The following TRIM26 variants were observed in gnomAD, a reference collection of about 807,000 sequenced individuals.
The protein encoded by TRIM26 is tripartite motif-containing protein 26.
In TRIM26, 16 loss-of-function variants were observed where a neutral mutation model predicts 45.5. That is an observed-to-expected ratio of 0.35 (90% confidence interval 0.24 to 0.53). The LOEUF (loss-of-function observed/expected upper bound fraction) is 0.53. Ranked by LOEUF, TRIM26 falls within the 20% of genes least tolerant of loss-of-function variation. The pLI is 0.92. For synonymous variants in TRIM26, 273 were observed against 290.4 expected, an observed-to-expected ratio of 0.94 and a Z score of 0.61; for missense variants, 442 against 691.1, an observed-to-expected ratio of 0.64 and a Z score of 4.04.
chr6:30,205,740 G>T (rs1485499788), intron 1 of TRIM26, among the ~76,000 whole-genome samples: 1 of 152,210 alleles, frequency 6.6e-6, no homozygotes, highest in Non-Finnish European at 1.5e-5. Flanking sequence ...TACTTAGGAA[G>T]TTGAGGCAGG....
intron 6 of TRIM26, among the ~76,000 whole-genome samples, chr6:30,191,150 G>A (rs1163511397): frequency 6.6e-6 from 1 of 152,116 alleles, no homozygotes; most frequent in Non-Finnish European, 1.5e-5. Context: ...TGGACATACT[G>A]GTCAAGGATA....
In TRIM26 at chr6:30,189,916, ACCATACCACTC is replaced by A; in HGVS notation, c.788+86_788+96del. 6.9e-7 allele frequency: 1 copy of A among 1,457,816 alleles called. No individual in the cohort carries two copies. The highest frequency in any genetic ancestry group is 1.1e-5 in the South Asian group (1 of 87,226). The allele number at this position is 1,457,816 out of a possible 1,614,324, so 90.3% of individuals were successfully genotyped here. A position where few individuals can be genotyped will look rare whatever the true frequency, so the allele number is the denominator to read the frequency against. On this transcript the variant is annotated intron_variant, in intron 7 of 9. Coordinates refer to ENST00000454678, the MANE Select transcript of TRIM26 (RefSeq NM_003449.5). This position sits in a 1 kb window ranked among gnomAD's most constrained non-coding sequence, Gnocchi z 5.0. The stretch of plus-strand genomic sequence containing the variant: ...ACCATGGGATGTGAGTACCTCTGGC[ACCATACCACTC>A]CCCATGAATTCAAATGCACCTGGTC...
At chr6:30,195,376 G>A (rs1395472520) in intron 6 of TRIM26, among the ~76,000 whole-genome samples, 1 of 152,152 alleles carries the variant, frequency 6.6e-6, no homozygotes, top group Non-Finnish European at 1.5e-5. Flanking sequence ...GGGCCAGAGA[G>A]ACATTCTGGA....
chr6:30,195,911 A>G (rs983149023), intron 6 of TRIM26, among the ~76,000 whole-genome samples: 11 of 152,142 alleles, frequency 7.2e-5, no homozygotes, highest in African/African-American at 2.7e-4. Flanking sequence ...TTTCAGCTTC[A>G]CAGCCAGTTC....
intron 6 of TRIM26, among the ~76,000 whole-genome samples, chr6:30,192,552 T>C (rs1775963258): frequency 6.6e-6 from 1 of 152,174 alleles, no homozygotes; most frequent in African/African-American, 2.4e-5. Context: ...CTATTTTATT[T>C]TAATTTTTTT....
chr6:30,196,589 TC>T lies in TRIM26; in HGVS notation c.691del (p.Glu231SerfsTer31). On this transcript the variant is annotated frameshift_variant, in exon 6 of 10. Transcript: ENST00000454678. LOFTEE classifies it high-confidence loss of function. The surrounding 1 kb of genome is among the most constrained non-coding windows in gnomAD (Gnocchi z 4.9). ...GATGACCAGGGCCAGCCGGGCAAGC[TC>T]CCCGACGCCCCGGCTCTTGAACTTC... The part of the protein sequence containing the change: ...REKFKSRGVG[E>X]LARLALVISE... The T allele has an allele frequency of 6.2e-7, 1 of 1,613,240 alleles. No individual in the cohort carries two copies.
At position 30,186,146 on chromosome 6, in the gene TRIM26, T is replaced by A. The variant is rs1350383446; in HGVS notation, c.1350A>T (p.Gly450=). Residue 450 remains glycine, a synonymous_variant, in exon 10 of 10, where the codon GGA becomes GGT. Transcript: ENST00000454678. This position sits in a 1 kb window ranked among gnomAD's most constrained non-coding sequence, Gnocchi z 7.4. Reference sequence around the variant, plus strand: ...CATCCTCTGGCCGCAGGGAGAGGTCTCCCTTCCTCTTCACAGAGTCTCTAG... The same window carrying A: ...CATCCTCTGGCCGCAGGGAGAGGTCACCCTTCCTCTTCACAGAGTCTCTAG... The part of the protein sequence containing the change: ...GVARDSVKRK[G]DLSLRPEDGV... 6.3e-7 allele frequency: 1 copy of A among 1,594,020 alleles called. No homozygotes were observed. The highest frequency in any genetic ancestry group is 8.5e-7 in the Non-Finnish European group (1 of 1,169,920).
chr6:30,197,002 A>G (rs1248738513), intron 5 of TRIM26, among the ~76,000 whole-genome samples: 1 of 152,104 alleles, frequency 6.6e-6, no homozygotes, highest in African/African-American at 2.4e-5. Context: ...GTCAGCCACA[A>G]TCTGTTCTAG....
In TRIM26 at chr6:30,186,602, GTTTTGTT is replaced by G. The variant is rs1180345565; in HGVS notation, c.938-51_938-45del. ...AAAAAAAAAACAGCATCACTGTTTT[GTTTTGTT>G]TTTTAAGTCAGAGGGAATAAAATTT... On this transcript the variant is annotated intron_variant, in intron 9 of 9. Transcript: ENST00000454678. The surrounding 1 kb of genome is among the most constrained non-coding windows in gnomAD (Gnocchi z 7.4). 6.7e-6 allele frequency: 10 copies of G among 1,486,564 alleles called. No individual in the cohort carries two copies. Among genetic ancestry groups the G allele is most frequent in the East Asian group, 2.3e-5 (1 of 42,690 alleles). 92.1% of individuals were successfully genotyped at this position (1,486,564 alleles called of 1,614,324 possible). A position where few individuals can be genotyped will look rare whatever the true frequency, so the allele number is the denominator to read the frequency against.
At chr6:30,197,755 T>C (rs938406131) in intron 5 of TRIM26, among the ~76,000 whole-genome samples, 1 of 152,244 alleles carries the variant, frequency 6.6e-6, no homozygotes. Context: ...GTAAATGCTA[T>C]ATAAATAGCT....
At chr6:30,187,566 C>A (rs375843783) in intron 9 of TRIM26, 118 of 467,188 alleles carry the variant, frequency 2.5e-4, no homozygotes, top group South Asian at 7.5e-4. Flanking sequence ...GCGGAAGGTG[C>A]TACTCTCTGT....
intron 1 of TRIM26, among the ~76,000 whole-genome samples, chr6:30,213,011 A>G (rs1050404063): frequency 2.0e-5 from 3 of 151,920 alleles, no homozygotes; most frequent in African/African-American, 7.3e-5. Flanking sequence ...AAGCAACCGG[A>G]CGGTCATCCA....
chr6:30,190,234 C>A lies in TRIM26; in HGVS notation c.766-199G>T, dbSNP rs912154359. On this transcript the variant is annotated intron_variant, in intron 6 of 9. Coordinates refer to ENST00000454678, the MANE Select transcript of TRIM26 (RefSeq NM_003449.5). The surrounding 1 kb of genome is among the most constrained non-coding windows in gnomAD (Gnocchi z 4.3). Reference sequence around the variant, plus strand: ...AACAAAATCGGCACAATGACAGAAGCCACAATGGCTGGGAGATGACATGGG... The same window carrying A: ...AACAAAATCGGCACAATGACAGAAGACACAATGGCTGGGAGATGACATGGG... The A allele has an allele frequency of 3.2e-6, 2 of 629,518 alleles. No homozygotes were observed. Among genetic ancestry groups the A allele is most frequent in the African/African-American group, 3.7e-5 (2 of 54,574 alleles). 39.0% of individuals were successfully genotyped at this position (629,518 alleles called of 1,614,324 possible). A position where few individuals can be genotyped will look rare whatever the true frequency, so the allele number is the denominator to read the frequency against.
chr6:30,186,242 C>A lies in TRIM26; in HGVS notation c.1254G>T (p.Ser418=). ...CCTCTTCTTCCTCTTCATCGCCCAACGATTCCTCATCTTCGTCCGTTTCCC... is the reference window on the plus strand; with the variant it reads ...CCTCTTCTTCCTCTTCATCGCCCAAAGATTCCTCATCTTCGTCCGTTTCCC... ...DDWETDEDEE[S]LGDEEEEEEE... The change falls in exon 10 of 10, where the codon TCG becomes TCT. Residue 418 remains serine (S), a synonymous_variant. Coordinates refer to ENST00000454678, the MANE Select transcript of TRIM26 (RefSeq NM_003449.5). This position sits in a 1 kb window ranked among gnomAD's most constrained non-coding sequence, Gnocchi z 7.4. 1 of 1,600,934 alleles carries A rather than the reference C, an allele frequency of 6.2e-7. No individual in the cohort carries two copies.
chr6:30,187,835 G>A (rs1350506273), intron 9 of TRIM26, among the ~76,000 whole-genome samples: 2 of 149,068 alleles, frequency 1.3e-5, no homozygotes, highest in Non-Finnish European at 3.0e-5. Context: ...GGAGAATGGC[G>A]TGAACCTGGG....
chr6:30,212,392 T>C (rs935566921), intron 1 of TRIM26, among the ~76,000 whole-genome samples: 1 of 152,214 alleles, frequency 6.6e-6, no homozygotes, highest in Admixed American at 6.5e-5. Context: ...CTATGGACTT[T>C]GGTCAATAAT....
In TRIM26 at chr6:30,186,164, G is replaced by C; in HGVS notation, c.1332C>G (p.Asp444Glu). ...LESCMVGVAR[D>E]SVKRKGDLSL... ...AGAGGTCTCCCTTCCTCTTCACAGA[G>C]TCTCTAGCCACCCCCACCATGCAGC... Residue 444 changes from aspartate (D) to glutamate (E), a missense_variant, in exon 10 of 10, where the codon GAC becomes GAG. Asp to Glu is a conservative substitution (Grantham distance 45). Coordinates refer to ENST00000454678, the MANE Select transcript of TRIM26 (RefSeq NM_003449.5). This position sits in a 1 kb window ranked among gnomAD's most constrained non-coding sequence, Gnocchi z 7.4. The C allele has an allele frequency of 1.3e-6, 2 of 1,596,720 alleles. No homozygotes were observed. Among genetic ancestry groups the C allele is most frequent in the Non-Finnish European group, 1.7e-6 (2 of 1,171,234 alleles).
In TRIM26 at chr6:30,186,855, T is replaced by C. The variant is rs148575087; in HGVS notation, c.938-297A>G. On this transcript the variant is annotated intron_variant, in intron 9 of 9. Transcript: ENST00000454678. This position sits in a 1 kb window ranked among gnomAD's most constrained non-coding sequence, Gnocchi z 7.4. The stretch of plus-strand genomic sequence containing the variant: ...ACTTTTCATAAGCTTCCTCTATCTC[T>C]GGATCTCTGGGTCCAACTCATCATT... 9.1e-5 allele frequency: 82 copies of C among 896,424 alleles called. No homozygotes were observed. The Middle Eastern group carries it at 1.7e-3, about 19-fold the overall frequency. 55.5% of individuals were successfully genotyped at this position (896,424 alleles called of 1,614,324 possible). A position where few individuals can be genotyped will look rare whatever the true frequency, so the allele number is the denominator to read the frequency against.
intron 2 of TRIM26, among the ~76,000 whole-genome samples, 169 bp downstream of exon 2, chr6:30,204,486 AG>A (rs1777517164): frequency 6.6e-6 from 1 of 152,252 alleles, no homozygotes; most frequent in African/African-American, 2.4e-5. Flanking sequence ...CCTGTTGGAC[AG>A]TAGTTTTCCT....
Sources: allele counts gnomAD v4.1 joint callset (sites outside exome capture counted in the v4.1 genomes callset), GRCh38; gene constraint gnomAD v4.1.1; non-coding constraint Gnocchi (gnomAD v3.1); transcripts MANE v1.5; gene names NCBI Gene and HGNC (gene_info 2026-07-23, HGNC 2026-07-21).